The following NRXN3 variants were observed in gnomAD, a reference collection of about 807,000 sequenced individuals.
The protein encoded by NRXN3 is neurexin 3, also known as neurexin III.
In NRXN3, 32 loss-of-function variants were observed where a neutral mutation model predicts 137.6. The ratio of observed to expected loss-of-function variants is 0.23; its 90% CI spans 0.18 to 0.31. The LOEUF (loss-of-function observed/expected upper bound fraction) is 0.31. Ranked by LOEUF, NRXN3 falls within the 10% of genes least tolerant of loss-of-function variation. The probability of loss-of-function intolerance (pLI) is 1.00; values close to 1 mark genes in which losing one functional copy is unlikely to be tolerated. For synonymous variants in NRXN3, 798 were observed against 784.5 expected (o/e 1.02, Z -0.29); for missense variants, 1,574 against 2,062.5 (o/e 0.76, Z 4.59).
intron 6 of NRXN3, among the ~76,000 whole-genome samples, chr14:78,669,105 A>G (rs1388934974): frequency 2.0e-5 from 3 of 152,180 alleles, no homozygotes; most frequent in Non-Finnish European, 2.9e-5. Flanking sequence ...AAGAGAAAGA[A>G]CATGAACAAA....
chr14:78,653,879 C>T (rs547095356), intron 6 of NRXN3, among the ~76,000 whole-genome samples: 1 of 152,218 alleles, frequency 6.6e-6, no homozygotes, highest in East Asian at 1.9e-4. Context: ...TCAATATATC[C>T]TTATCTTAGC....
intron 10 of NRXN3, among the ~76,000 whole-genome samples, chr14:78,883,497 GC>G (rs1280978804): frequency 6.6e-6 from 1 of 152,194 alleles, no homozygotes; most frequent in Non-Finnish European, 1.5e-5. Context: ...GTAAAGTCAG[GC>G]TGGGAAAACA....
chr14:78,723,672 C>T (rs560750526), intron 8 of NRXN3, among the ~76,000 whole-genome samples: 1 of 151,608 alleles, frequency 6.6e-6, no homozygotes, highest in South Asian at 2.1e-4. Context: ...TTGTGAGGCT[C>T]CATTGTAGAA....
intron 16 of NRXN3, among the ~76,000 whole-genome samples, chr14:79,616,365 G>T (rs907239353): frequency 7.9e-5 from 12 of 152,138 alleles, no homozygotes; most frequent in Admixed American, 6.6e-5. Flanking sequence ...GATGGGTGGG[G>T]AGTAGAATTG....
At chr14:79,719,018 G>A (rs899238261) in intron 19 of NRXN3, among the ~76,000 whole-genome samples, 3 of 152,030 alleles carry the variant, frequency 2.0e-5, no homozygotes, top group African/African-American at 7.2e-5. Flanking sequence ...TACACACTTG[G>A]ATTTTAAATG....
chr14:79,227,324 G>A (rs1348513240), intron 15 of NRXN3, among the ~76,000 whole-genome samples: 2 of 151,844 alleles, frequency 1.3e-5, no homozygotes, highest in African/African-American at 4.8e-5. Context: ...TTATACTTTC[G>A]TGTTAATACT....
chr14:78,435,517 C>T (rs2094033850), intron 4 of NRXN3, among the ~76,000 whole-genome samples: 1 of 152,100 alleles, frequency 6.6e-6, no homozygotes, highest in Admixed American at 6.6e-5. Context: ...TGAAAGTTGG[C>T]AATTTTCTTT....
intron 10 of NRXN3, among the ~76,000 whole-genome samples, chr14:78,950,553 C>T (rs2099385038): frequency 6.7e-6 from 1 of 150,126 alleles, no homozygotes; most frequent in African/African-American, 2.5e-5. Flanking sequence ...AGTCTTAAGG[C>T]ATAGGTTACA....
chr14:79,404,710 T>C (rs974640033), intron 15 of NRXN3, among the ~76,000 whole-genome samples: 3 of 152,006 alleles, frequency 2.0e-5, no homozygotes, highest in Non-Finnish European at 4.4e-5. Flanking sequence ...GGCAAGAACA[T>C]AGGGTGGCGA....
At chr14:79,713,228 A>T (rs1027166303) in intron 19 of NRXN3, among the ~76,000 whole-genome samples, 31 of 138,462 alleles carry the variant, frequency 2.2e-4, no homozygotes, top group African/African-American at 7.9e-4. Flanking sequence ...TGGACCTCAA[A>T]GTAGCACTTA....
intron 16 of NRXN3, among the ~76,000 whole-genome samples, chr14:79,488,239 C>T (rs560877955): frequency 6.6e-6 from 1 of 152,094 alleles, no homozygotes; most frequent in Non-Finnish European, 1.5e-5. Flanking sequence ...AGCTGAGGAT[C>T]AGAAGACCTG....
At chr14:78,651,358 A>T (rs978198392) in intron 6 of NRXN3, 32 bp downstream of exon 6, 2 of 1,604,080 alleles carry the variant, frequency 1.2e-6, no homozygotes, top group Non-Finnish European at 1.7e-6. Flanking sequence ...TTAATGCACC[A>T]TGTGATTGTT....
At chr14:79,711,611 C>T (rs943036122) in intron 19 of NRXN3, among the ~76,000 whole-genome samples, 1 of 152,102 alleles carries the variant, frequency 6.6e-6, no homozygotes, top group African/African-American at 2.4e-5. Flanking sequence ...TGTGGTTGGC[C>T]TAAGTAATAC....
At chr14:78,885,936 T>C (rs1164749340) in intron 10 of NRXN3, among the ~76,000 whole-genome samples, 1 of 152,074 alleles carries the variant, frequency 6.6e-6, no homozygotes, top group East Asian at 1.9e-4. Flanking sequence ...GTTTGCTCTA[T>C]AGAGTCATAG....
At chr14:79,163,115 C>T (rs1596651588) in intron 15 of NRXN3, among the ~76,000 whole-genome samples, 3 of 151,864 alleles carry the variant, frequency 2.0e-5, no homozygotes, top group African/African-American at 4.8e-5. Flanking sequence ...AAACAGAGAA[C>T]CTGATAAGTG....
intron 4 of NRXN3, among the ~76,000 whole-genome samples, chr14:78,397,043 A>G (rs1444629988): frequency 2.0e-5 from 3 of 152,192 alleles, no homozygotes; most frequent in African/African-American, 4.8e-5. Context: ...GCCTCCTAAA[A>G]GCCCTATCTC....
chr14:78,300,569 G>T, intron 4 of NRXN3: 1 of 716,764 alleles, frequency 1.4e-6, no homozygotes, highest in East Asian at 2.7e-5. Flanking sequence ...CTCTTTGTGT[G>T]TTTGCAGTGT....
At chr14:79,089,567 C>T (rs1281150375) in intron 15 of NRXN3, among the ~76,000 whole-genome samples, 20 of 152,124 alleles carry the variant, frequency 1.3e-4, no homozygotes, top group African/African-American at 7.2e-5. Flanking sequence ...TGCTTTTTTA[C>T]CTTCTGCCTC....
intron 6 of NRXN3, among the ~76,000 whole-genome samples, chr14:78,654,616 C>T (rs2097771581): frequency 6.6e-6 from 1 of 152,192 alleles, no homozygotes; most frequent in South Asian, 2.1e-4. Flanking sequence ...ACAAAGCGTC[C>T]ACATTGTCGT....
Sources: allele counts gnomAD v4.1 joint callset (sites outside exome capture counted in the v4.1 genomes callset), GRCh38; gene constraint gnomAD v4.1.1; transcripts MANE v1.5; gene names NCBI Gene and HGNC (gene_info 2026-07-23, HGNC 2026-07-21).